TMEM117: variants seen among roughly 807,000 people sequenced by gnomAD.
TMEM117 encodes transmembrane protein 117.
Under a neutral mutation model 52.4 loss-of-function variants are expected in TMEM117, and 27 were observed. The observed-to-expected ratio is 0.51, with a 90% CI of 0.38 to 0.71. The LOEUF (loss-of-function observed/expected upper bound fraction) is 0.71. Among genes scored for constraint, TMEM117 ranks in the 30% least tolerant of loss-of-function variants. TMEM117 has a pLI of 0.00. For synonymous variants in TMEM117, 215 were observed against 206.3 expected, an observed-to-expected ratio of 1.04 and a Z score of -0.36; for missense variants, 556 against 630.5, an observed-to-expected ratio of 0.88 and a Z score of 1.26.
chr12:43,972,223 A>G (rs1167520903), intron 3 of TMEM117, among the ~76,000 whole-genome samples: 1 of 152,234 alleles, frequency 6.6e-6, no homozygotes, highest in East Asian at 1.9e-4. Context: ...TAATAAGGCA[A>G]CCCAAAGCCA....
intron 3 of TMEM117, among the ~76,000 whole-genome samples, chr12:44,081,352 C>A (rs1042421452): frequency 2.0e-5 from 3 of 152,130 alleles, no homozygotes; most frequent in Non-Finnish European, 4.4e-5. Flanking sequence ...ATATTTGTGT[C>A]TGATTTAATT....
chr12:44,347,625 G>T (rs879674670), intron 6 of TMEM117, among the ~76,000 whole-genome samples: 2 of 151,964 alleles, frequency 1.3e-5, no homozygotes, highest in African/African-American at 2.4e-5. Context: ...ATTTAAGATG[G>T]TAACAATCTT....
chr12:43,957,372 T>A (rs952829837), intron 3 of TMEM117, among the ~76,000 whole-genome samples: 11 of 152,134 alleles, frequency 7.2e-5, no homozygotes, highest in African/African-American at 2.7e-4. Context: ...ACCAACTATA[T>A]TAAAATGAGA....
chr12:44,293,157 T>G (rs971757399), intron 5 of TMEM117, among the ~76,000 whole-genome samples: 3 of 152,032 alleles, frequency 2.0e-5, no homozygotes, highest in Admixed American at 6.6e-5. Flanking sequence ...ATATTGACAC[T>G]TGTTATTATA....
intron 3 of TMEM117, among the ~76,000 whole-genome samples, chr12:44,026,585 T>G (rs1321403226): frequency 6.6e-6 from 1 of 152,194 alleles, no homozygotes; most frequent in African/African-American, 2.4e-5. Flanking sequence ...AATTATTTAT[T>G]ACATATTTAC....
At chr12:44,008,940 TC>T (rs767174264) in intron 3 of TMEM117, 14 of 384,950 alleles carry the variant, frequency 3.6e-5, no homozygotes, top group Non-Finnish European at 7.2e-5. Flanking sequence ...AGATCTGAAC[TC>T]CATCTAAACC....
chr12:43,905,143 C>CA (rs11327213), intron 2 of TMEM117, among the ~76,000 whole-genome samples: 38 of 143,440 alleles, frequency 2.6e-4, no homozygotes, highest in African/African-American at 5.1e-4. Context: ...AACTCGGTCT[C>CA]AAAAAAAAAA....
At chr12:44,288,500 T>C (rs1171437775) in intron 5 of TMEM117, among the ~76,000 whole-genome samples, 1 of 152,120 alleles carries the variant, frequency 6.6e-6, no homozygotes, top group Non-Finnish European at 1.5e-5. Flanking sequence ...TATCAAGAGC[T>C]CTTAGAAAGA....
At chr12:44,374,010 G>A (rs1385939573) in intron 6 of TMEM117, among the ~76,000 whole-genome samples, 1 of 151,986 alleles carries the variant, frequency 6.6e-6, no homozygotes, top group East Asian at 1.9e-4. Flanking sequence ...TCAAACTCCT[G>A]ATCTCAGGTA....
intron 2 of TMEM117, among the ~76,000 whole-genome samples, chr12:43,904,581 G>A (rs897970455): frequency 6.6e-6 from 1 of 151,984 alleles, no homozygotes; most frequent in African/African-American, 2.4e-5. Context: ...GAGTGCTTGA[G>A]CAAGTGCTTA....
At chr12:43,856,239 C>G (rs960625754) in intron 2 of TMEM117, among the ~76,000 whole-genome samples, 60 of 152,166 alleles carry the variant, frequency 3.9e-4, no homozygotes, top group African/African-American at 1.4e-3. Context: ...TTTGCCCCCT[C>G]AAAATGTTAT....
chr12:44,078,158 A>G (rs1027419210), intron 3 of TMEM117, among the ~76,000 whole-genome samples: 1 of 152,218 alleles, frequency 6.6e-6, no homozygotes, highest in Non-Finnish European at 1.5e-5. Context: ...GAGAAATAGA[A>G]CACTATTTAT....
At chr12:44,360,306 G>T (rs937088054) in intron 6 of TMEM117, among the ~76,000 whole-genome samples, 1 of 152,096 alleles carries the variant, frequency 6.6e-6, no homozygotes, top group African/African-American at 2.4e-5. Context: ...TAGGTCGGGC[G>T]CAGTGGCTCA....
chr12:43,809,690 G>T, the TMEM117 span, among the ~76,000 whole-genome samples: 7 of 152,172 alleles, frequency 4.6e-5, no homozygotes, highest in African/African-American at 9.7e-5. Context: ...TGGGCCCTGT[G>T]AACTGCTGTG....
At chr12:44,218,228 A>C (rs1400010393) in intron 5 of TMEM117, among the ~76,000 whole-genome samples, 1 of 151,910 alleles carries the variant, frequency 6.6e-6, no homozygotes, top group Non-Finnish European at 1.5e-5. Flanking sequence ...CGTCAAAAAA[A>C]ACAAAAAACA....
chr12:44,340,045 C>T (rs1951396369), intron 6 of TMEM117, among the ~76,000 whole-genome samples: 1 of 151,926 alleles, frequency 6.6e-6, no homozygotes, highest in African/African-American at 2.4e-5. Flanking sequence ...GAGAAGTTAA[C>T]TGGATTAGGA....
intron 2 of TMEM117, among the ~76,000 whole-genome samples, chr12:43,931,251 T>A (rs534177788): frequency 6.6e-6 from 1 of 152,326 alleles, no homozygotes; most frequent in Non-Finnish European, 1.5e-5. Flanking sequence ...TTCTGCTGCC[T>A]AATAAAGTTT....
chr12:43,857,327 T>TA (rs1555177893), intron 2 of TMEM117, among the ~76,000 whole-genome samples: 5 of 142,204 alleles, frequency 3.5e-5, no homozygotes, highest in African/African-American at 1.4e-4. Context: ...TTTTTTTTTT[T>TA]ATTGTACTTG....
chr12:44,344,378 C>T (rs76996046), intron 6 of TMEM117, among the ~76,000 whole-genome samples: 1 of 152,064 alleles, frequency 6.6e-6, no homozygotes, highest in East Asian at 1.9e-4. Context: ...GAACTTTGTA[C>T]TTGGTTTAAT....
Sources: gnomAD v4.1 joint callset for allele counts (sites outside exome capture counted in the v4.1 genomes callset) on GRCh38, gnomAD v4.1.1 for gene constraint, MANE v1.5 for transcripts, NCBI Gene and HGNC (gene_info 2026-07-23, HGNC 2026-07-21) for gene names.